The following CHODL variants were observed in gnomAD, a reference collection of about 807,000 sequenced individuals.
The protein encoded by CHODL is chondrolectin.
In CHODL, 29 loss-of-function variants were observed where a neutral mutation model predicts 34.5. The ratio of observed to expected loss-of-function variants is 0.84; its 90% CI spans 0.63 to 1.15. The LOEUF (loss-of-function observed/expected upper bound fraction) is 1.15, where lower values mean the gene tolerates loss of function less well. Among genes scored for constraint, CHODL ranks in the 50% most tolerant of loss-of-function variants. The probability of loss-of-function intolerance (pLI) is 0.00; values close to 1 mark genes in which losing one functional copy is unlikely to be tolerated. For synonymous variants in CHODL, 125 were observed against 116.1 expected (o/e 1.08, Z -0.49); for missense variants, 332 against 332.5 (o/e 1.00, Z 0.01).
intron 2 of CHODL, among the ~76,000 whole-genome samples, chr21:18,031,268 TCTTTAAC>T (rs762444367): frequency 1.3e-5 from 2 of 152,132 alleles, no homozygotes; most frequent in Non-Finnish European, 2.9e-5. Flanking sequence ...ATGTCATAAG[TCTTTAAC>T]CTGTGGGAGA....
rs1404634759 is a variant in CHODL, at chr21:18,075,207, T to C, written c.-45+47236T>C. On this transcript the variant is annotated intron_variant, in intron 2 of 6. Coordinates refer to the CHODL transcript ENST00000400127. ...GGACTAAAGAATGCTCTCAGCCTCA[T>C]GCCACCTTCTTTGGGTTGATGGAAC... Among the ~76,000 whole-genome samples, 125 of 152,244 alleles carry C rather than the reference T, an allele frequency of 8.2e-4. 2 individuals are homozygous for C. Among genetic ancestry groups the C allele is most frequent in the Admixed American group, 8.2e-3 (125 of 15,282 alleles).
intron 2 of CHODL, among the ~76,000 whole-genome samples, chr21:18,145,915 A>G (rs1331623744): frequency 6.6e-6 from 1 of 152,164 alleles, no homozygotes; most frequent in East Asian, 1.9e-4. Flanking sequence ...GCACATCAAG[A>G]AAGAATCCTC....
rs529875373 is a variant in CHODL at position 18,170,554 on chromosome 21, C to T, written c.-44-85955C>T. Among the ~76,000 whole-genome samples the T allele has an allele frequency of 9.1e-4, 138 of 151,960 alleles. No individual in the cohort carries two copies. In the South Asian group the frequency reaches 0.011, roughly 12 times the overall value. On this transcript the variant is annotated intron_variant, in intron 2 of 6. Coordinates refer to the CHODL transcript ENST00000400127. ...TACTGTCTTAATTCCTTGTAATTTC[C>T]GTATTATTTTATCTTTTTATTGGTT...
chr21:18,002,849 C>T (rs35053476), intron 1 of CHODL, among the ~76,000 whole-genome samples: 1 of 151,938 alleles, frequency 6.6e-6, no homozygotes, highest in Non-Finnish European at 1.5e-5. Context: ...CCCGGCCGGG[C>T]GCTGTGGCTC....
chr21:18,015,950 A>C (rs2064069003), intron 1 of CHODL, among the ~76,000 whole-genome samples: 1 of 152,208 alleles, frequency 6.6e-6, no homozygotes. Context: ...CAAAGGAATG[A>C]CCTGAAACTA....
At chr21:18,101,839 GTTTCCATAATGAAATCCATA>G (rs1394459133) in intron 2 of CHODL, among the ~76,000 whole-genome samples, 1 of 151,678 alleles carries the variant, frequency 6.6e-6, no homozygotes, top group Non-Finnish European at 1.5e-5. Flanking sequence ...TATATATTTA[GTTTCCATAATGAAATCCATA>G]TTTGCTTGGT....
chr21:18,208,291 A>G (rs983759280), intron 2 of CHODL, among the ~76,000 whole-genome samples: 28 of 152,004 alleles, frequency 1.8e-4, no homozygotes, highest in African/African-American at 4.8e-4. Context: ...CAGTATGTCA[A>G]TTGTATTTTT....
intron 1 of CHODL, among the ~76,000 whole-genome samples, chr21:17,986,083 C>T (rs892057511): frequency 7.9e-5 from 12 of 152,138 alleles, no homozygotes; most frequent in African/African-American, 2.9e-4. Flanking sequence ...TTTGGAAGGG[C>T]ACAAGTATTT....
At chr21:18,204,580 A>G (rs1330226403) in intron 2 of CHODL, among the ~76,000 whole-genome samples, 1 of 152,096 alleles carries the variant, frequency 6.6e-6, no homozygotes, top group Admixed American at 6.5e-5. Flanking sequence ...TGATACTAAT[A>G]CTTCCACAAA....
Position 18,059,511 on chromosome 21 carries a change from C to A in CHODL, c.-45+31540C>A, listed in dbSNP as rs148632773. On this transcript the variant is annotated intron_variant, in intron 2 of 6. Transcript: ENST00000400127. ...TCATGATCTTTTTTTTTTTTTTTTCCAACTTTTATTAAGTTCTGGGGTTAC... is the reference window on the plus strand; with the variant it reads ...TCATGATCTTTTTTTTTTTTTTTTCAAACTTTTATTAAGTTCTGGGGTTAC... 6.6e-3 allele frequency among the ~76,000 whole-genome samples: 937 copies of A among 142,406 alleles called. 5 individuals are homozygous for A. Among genetic ancestry groups the A allele is most frequent in the Middle Eastern group, 0.011 (3 of 278 alleles). 93.4% of individuals were successfully genotyped at this position (142,406 alleles called of 152,430 possible).
At chr21:18,021,359 C>T (rs146434366) in intron 1 of CHODL, among the ~76,000 whole-genome samples, 45 of 152,256 alleles carry the variant, frequency 3.0e-4, no homozygotes, top group Admixed American at 5.9e-4. Context: ...ACATATGCAT[C>T]GTAATTTGAG....
chr21:17,947,326 A>G (rs933029455), intron 1 of CHODL, among the ~76,000 whole-genome samples: 4 of 152,152 alleles, frequency 2.6e-5, no homozygotes, highest in Non-Finnish European at 5.9e-5. Context: ...ATGGAAACAC[A>G]GCATACCAAA....
At chr21:18,099,206 A>ATTGACTTAGTTTTTTTAT (rs1193983378) in intron 2 of CHODL, among the ~76,000 whole-genome samples, 1 of 152,032 alleles carries the variant, frequency 6.6e-6, no homozygotes, top group African/African-American at 2.4e-5. Flanking sequence ...ATAATAATTT[A>ATTGACTTAGTTTTTTTAT]ATTGTACATT....
chr21:18,125,940 A>C (rs1486118097), intron 2 of CHODL, among the ~76,000 whole-genome samples: 2 of 152,206 alleles, frequency 1.3e-5, no homozygotes, highest in African/African-American at 4.8e-5. Context: ...ATGCTATCAA[A>C]CAGTATCACA....
intron 2 of CHODL, among the ~76,000 whole-genome samples, chr21:18,232,957 A>ATCATATATG (rs2073995875): frequency 7.0e-6 from 1 of 142,142 alleles, no homozygotes; most frequent in African/African-American, 2.8e-5. Context: ...ATATATATAT[A>ATCATATATG]TATATATATA....
At chr21:18,197,337 G>T (rs985780762) in intron 2 of CHODL, among the ~76,000 whole-genome samples, 4 of 152,146 alleles carry the variant, frequency 2.6e-5, no homozygotes, top group South Asian at 2.1e-4. Flanking sequence ...GTGGCTGAGC[G>T]CAGTGGCTCA....
At chr21:18,193,151 G>A (rs998173017) in intron 2 of CHODL, among the ~76,000 whole-genome samples, 3 of 152,118 alleles carry the variant, frequency 2.0e-5, no homozygotes, top group Non-Finnish European at 4.4e-5. Context: ...TAGTATCTGT[G>A]AGAAGGGATA....
intron 2 of CHODL, among the ~76,000 whole-genome samples, chr21:18,236,927 A>C (rs926160457): frequency 1.3e-5 from 2 of 152,144 alleles, no homozygotes; most frequent in African/African-American, 4.8e-5. Flanking sequence ...ACTGTTAGGC[A>C]TGGAGGATAC....
chr21:18,245,432 G>A (rs978580855), intron 1 of CHODL, 130 bp downstream of exon 1: 1 of 684,288 alleles, frequency 1.5e-6, no homozygotes, highest in African/African-American at 1.9e-5. Flanking sequence ...CCCGGGAGGA[G>A]GCGGGGAGAA....
Sources: allele counts gnomAD v4.1 joint callset (sites outside exome capture counted in the v4.1 genomes callset), GRCh38; gene constraint gnomAD v4.1.1; transcripts MANE v1.5; gene names NCBI Gene and HGNC (gene_info 2026-07-23, HGNC 2026-07-21).